Variants in VMP1 observed in about 807,000 individuals in gnomAD.
VMP1 encodes vacuole membrane protein 1, also known as ectopic P-granules autophagy protein 3 homolog.
A neutral mutation model predicts 56.0 loss-of-function variants in VMP1; 11 were observed. The observed-to-expected ratio is 0.20, with a 90% confidence interval of 0.12 to 0.32. The LOEUF is 0.32. VMP1 is among the 10% of genes least tolerant of loss of function. The pLI, the probability that VMP1 is intolerant of heterozygous loss-of-function variation, is 1.00. For missense variants in VMP1, 296 were observed against 490.3 expected, an observed-to-expected ratio of 0.60 and a Z score of 3.74; for synonymous variants, 149 against 165.0, an observed-to-expected ratio of 0.90 and a Z score of 0.74.
rs199747812 is a variant in VMP1 at position 59,817,709 on chromosome 17, C to T, written c.913-3C>T. On this transcript the variant is annotated splice_polypyrimidine_tract_variant and splice_region_variant and intron_variant, in intron 9 of 11. Coordinates refer to ENST00000262291, the MANE Select transcript of VMP1 (RefSeq NM_030938.5). ...TTTATTTTAACTGGTGTTTTCTTTA[C>T]AGAAAATTTTTGTTATAATAACATT... 8.3e-5 allele frequency: 133 copies of T among 1,596,238 alleles called. No homozygotes were observed. Among genetic ancestry groups the T allele is most frequent in the Non-Finnish European group, 1.1e-4 (129 of 1,172,254 alleles).
intron 2 of VMP1, among the ~76,000 whole-genome samples, chr17:59,732,918 A>G (rs1382484067): frequency 6.6e-6 from 1 of 152,190 alleles, no homozygotes; most frequent in Non-Finnish European, 1.5e-5. Context: ...CTGTAATCCC[A>G]ACACTTTGGG....
chr17:59,817,748 G>T lies in VMP1; in HGVS notation c.949G>T (p.Val317Leu). 1 of 1,608,474 alleles carries T rather than the reference G, an allele frequency of 6.2e-7. No homozygotes were observed. Among genetic ancestry groups the T allele is most frequent in the Non-Finnish European group, 8.5e-7 (1 of 1,177,528 alleles). The change falls in exon 10 of 12, where the codon GTG (valine) becomes TTG (leucine). Residue 317 changes from valine to leucine, a missense_variant. Physicochemically the swap from Val to Leu is conservative, Grantham distance 32. Coordinates refer to ENST00000262291, the MANE Select transcript of VMP1 (RefSeq NM_030938.5). ...TATAATAACATTCAGCAAGCACATA[G>T]TGGAGCAAATGGTGGCTTTCATTGG... is the stretch of plus-strand genomic sequence containing the variant. ...FVIITFSKHI[V>L]EQMVAFIGAV...
In VMP1 at chr17:59,838,378, G is replaced by A. The variant is rs773796393; in HGVS notation, c.1058G>A (p.Ser353Asn). ...EAQRQKLHHK[S>N]EMGTPQGENW... is the part of the protein sequence containing the mutation. Reference sequence around the variant, plus strand: ...CAACGGCAGAAGCTTCACCACAAAAGCGAAATGGGCACACCACAGGTAAGA... The same window carrying A: ...CAACGGCAGAAGCTTCACCACAAAAACGAAATGGGCACACCACAGGTAAGA... Residue 353 changes from serine (S) to asparagine (N), a missense_variant, in exon 11 of 12, where the codon AGC becomes AAC. Coordinates refer to ENST00000262291, the MANE Select transcript of VMP1 (RefSeq NM_030938.5). 4.3e-6 allele frequency: 7 copies of A among 1,614,062 alleles called. No individual in the cohort carries two copies. In the South Asian group the frequency reaches 6.6e-5, roughly 15 times the overall value.
At chr17:59,801,427 A>G (rs1397914225) in intron 7 of VMP1, among the ~76,000 whole-genome samples, 1 of 143,760 alleles carries the variant, frequency 7.0e-6, no homozygotes, top group African/African-American at 2.5e-5. Flanking sequence ...TTTTTTTTTT[A>G]ATTAGTTATA....
chr17:59,771,600 T>G (rs1337192220), intron 6 of VMP1, among the ~76,000 whole-genome samples: 17 of 151,292 alleles, frequency 1.1e-4, no homozygotes, highest in Non-Finnish European at 2.4e-4. Context: ...TTTTTTGGTT[T>G]TTTTGGTTTT....
In VMP1 at chr17:59,803,599, G is replaced by T. The variant is rs2037746986; in HGVS notation, c.715-5197G>T. ...CTCAGGCACTTAAGTTGTGAAATAGGTAAAAGTTGTGAAATGTAAATACAG... is the reference window on the plus strand; with the variant it reads ...CTCAGGCACTTAAGTTGTGAAATAGTTAAAAGTTGTGAAATGTAAATACAG... On this transcript the variant is annotated intron_variant, in intron 7 of 11. Coordinates refer to ENST00000262291, the MANE Select transcript of VMP1 (RefSeq NM_030938.5). Among the ~76,000 whole-genome samples the T allele has an allele frequency of 1.3e-5, 2 of 152,138 alleles. 1 individual carries two copies. Among genetic ancestry groups the T allele is most frequent in the African/African-American group, 4.8e-5 (2 of 41,438 alleles).
intron 5 of VMP1, among the ~76,000 whole-genome samples, chr17:59,748,454 C>T (rs2035516139): frequency 6.6e-6 from 1 of 152,118 alleles, no homozygotes; most frequent in African/African-American, 2.4e-5. Context: ...GTTTGAATGT[C>T]TAGTACAATA....
At position 59,838,343 on chromosome 17, in the gene VMP1, C is replaced by T. The variant is rs1395339813; in HGVS notation, c.1023C>T (p.Tyr341=). 1 of 1,614,056 alleles carries T rather than the reference C, an allele frequency of 6.2e-7. No individual in the cohort carries two copies. The highest frequency in any genetic ancestry group is 8.5e-7 in the Non-Finnish European group (1 of 1,180,000). The change falls in exon 11 of 12, where the codon TAC becomes TAT. Residue 341 remains tyrosine, a synonymous_variant. Transcript: ENST00000262291. ...CTCTGCAGAAGCCATTTCAGGAGTA[C>T]CTGGAGGCTCAACGGCAGAAGCTTC... ...GPSLQKPFQE[Y]LEAQRQKLHH... is the part of the protein sequence containing the mutation.
intron 6 of VMP1, among the ~76,000 whole-genome samples, chr17:59,768,462 G>A (rs560490995): frequency 1.6e-4 from 25 of 151,948 alleles, no homozygotes; most frequent in Non-Finnish European, 2.9e-4. Flanking sequence ...ACTTAGCTGG[G>A]CATGGTGGTG....
intron 11 of VMP1, 108 bp from the exon 12 acceptor site, chr17:59,839,660 T>C (rs2039095898): frequency 7.2e-7 from 1 of 1,382,352 alleles, no homozygotes; most frequent in Non-Finnish European, 9.7e-7. Flanking sequence ...CATTTTTAAT[T>C]CTTTAGGTTT....
chr17:59,731,392 T>G, intron 1 of VMP1, 29 bp from the exon 2 acceptor site: 4 of 1,389,726 alleles, frequency 2.9e-6, no homozygotes, highest in Non-Finnish European at 4.0e-6. Flanking sequence ...GTTTGTAATG[T>G]ATTGCTGGAT....
chr17:59,819,751 C>G (rs779647179), intron 10 of VMP1, among the ~76,000 whole-genome samples: 19 of 152,198 alleles, frequency 1.2e-4, no homozygotes, highest in Non-Finnish European at 2.2e-4. Context: ...CGCTCCCAAC[C>G]CCTTATTTTT....
intron 5 of VMP1, among the ~76,000 whole-genome samples, chr17:59,758,753 GC>G (rs1568092454): frequency 6.6e-6 from 1 of 152,004 alleles, no homozygotes; most frequent in East Asian, 1.9e-4. Flanking sequence ...GATCCCCTGA[GC>G]CTAGGAGTTT....
intron 1 of VMP1, among the ~76,000 whole-genome samples, chr17:59,717,881 C>T (rs949653742): frequency 6.6e-6 from 1 of 151,938 alleles, no homozygotes; most frequent in Non-Finnish European, 1.5e-5. Flanking sequence ...GATGACACCA[C>T]TACACTCCAG....
Position 59,726,692 on chromosome 17 carries a change from T to A in VMP1, c.-26-4729T>A, listed in dbSNP as rs1481744677. Among the ~76,000 whole-genome samples the A allele has an allele frequency of 2.0e-5, 3 of 152,364 alleles. No homozygotes were observed. In the South Asian group the frequency reaches 6.2e-4, roughly 32 times the overall value. On this transcript the variant is annotated intron_variant, in intron 1 of 11. Transcript: ENST00000262291. ...ATTAACTTTTTTATATGGTTCCATT[T>A]CAAACATCCTCAGTTGATTTTTTTA...
intron 5 of VMP1, among the ~76,000 whole-genome samples, chr17:59,743,594 G>A (rs1402052141): frequency 1.4e-5 from 2 of 146,580 alleles, no homozygotes; most frequent in African/African-American, 5.0e-5. Flanking sequence ...ATATATATAT[G>A]CTATATTATA....
At chr17:59,713,322 G>A (rs1168862869) in intron 1 of VMP1, among the ~76,000 whole-genome samples, 1 of 151,894 alleles carries the variant, frequency 6.6e-6, no homozygotes, top group East Asian at 1.9e-4. Flanking sequence ...AATAGGTGCA[G>A]CACACCAACA....
In VMP1 at chr17:59,833,836, T is replaced by C. The variant is rs1449784133; in HGVS notation, c.975-4459T>C. Among the ~76,000 whole-genome samples the C allele has an allele frequency of 2.0e-5, 3 of 152,266 alleles. 1 individual carries two copies. Among genetic ancestry groups the C allele is most frequent in the Non-Finnish European group, 4.4e-5 (3 of 68,050 alleles). ...TTATTATTTCCAGTCCCTTCCTCAT[T>C]TCCCTAAACAACAAAAACATACTCT... On this transcript the variant is annotated intron_variant, in intron 10 of 11. Transcript: ENST00000262291.
intron 1 of VMP1, among the ~76,000 whole-genome samples, chr17:59,718,485 C>T (rs976510520): frequency 4.0e-5 from 6 of 151,686 alleles, no homozygotes; most frequent in African/African-American, 1.5e-4. Context: ...TGTGAGCCAC[C>T]GTGCCCGGCC....
Sources: gnomAD v4.1 joint callset for allele counts (sites outside exome capture counted in the v4.1 genomes callset) on GRCh38, gnomAD v4.1.1 for gene constraint, MANE v1.5 for transcripts, NCBI Gene and HGNC (gene_info 2026-07-23, HGNC 2026-07-21) for gene names.